The following RAPH1 variants were observed in gnomAD, a reference collection of about 807,000 sequenced individuals.
RAPH1 encodes ras-associated and pleckstrin homology domains-containing protein 1.
Under a neutral mutation model 88.1 loss-of-function variants are expected in RAPH1, and 18 were observed. That is an observed-to-expected ratio of 0.20 (90% CI 0.14 to 0.30). RAPH1 has a LOEUF of 0.30. Ranked by LOEUF, RAPH1 falls within the 10% of genes least tolerant of loss-of-function variation. The pLI is 1.00. For missense variants in RAPH1, 1,448 were observed against 1,543.2 expected (o/e 0.94, Z 1.03); for synonymous variants, 587 against 559.0 (o/e 1.05, Z -0.71).
chr2:203,458,650 AGTTTT>A (rs2098521798), intron 7 of RAPH1, among the ~76,000 whole-genome samples: 1 of 152,184 alleles, frequency 6.6e-6, no homozygotes, highest in African/African-American at 2.4e-5. Context: ...GGCATATTCA[AGTTTT>A]GTTTTTTAGA....
intron 7 of RAPH1, among the ~76,000 whole-genome samples, chr2:203,458,750 G>A (rs944155698): frequency 3.3e-5 from 5 of 151,266 alleles, no homozygotes; most frequent in African/African-American, 4.9e-5. Flanking sequence ...AGGGCTGACT[G>A]TACTTCTTTT....
chr2:203,527,692 C>T (rs560717939), intron 1 of RAPH1, among the ~76,000 whole-genome samples: 14 of 148,574 alleles, frequency 9.4e-5, no homozygotes, highest in East Asian at 2.0e-4. Context: ...CCCAGCTGCT[C>T]GGGAGACTGA....
intron 1 of RAPH1, among the ~76,000 whole-genome samples, chr2:203,518,152 A>G (rs1471546194): frequency 6.6e-6 from 1 of 152,198 alleles, no homozygotes; most frequent in Non-Finnish European, 1.5e-5. Flanking sequence ...AAGAGAACAC[A>G]AATTACCAAT....
In RAPH1 at chr2:203,439,674, T is replaced by C. The variant is rs1193064640; in HGVS notation, c.3516A>G (p.Thr1172=). ...QPGFLADLNR[T]LQRKSITRHG... ...GCCGAGTGATGGACTTTCGTTGCAGTGTCCTGTTGAGGTCAGCCAGGAATC... is the reference window on the plus strand; with the variant it reads ...GCCGAGTGATGGACTTTCGTTGCAGCGTCCTGTTGAGGTCAGCCAGGAATC... The change falls in exon 14 of 14, where the codon ACA becomes ACG. Residue 1172 remains threonine, a synonymous_variant. Transcript: ENST00000319170. 1 of 1,614,032 alleles carries C rather than the reference T, an allele frequency of 6.2e-7. No individual in the cohort carries two copies. Among genetic ancestry groups the C allele is most frequent in the South Asian group, 1.1e-5 (1 of 91,078 alleles).
intron 4 of RAPH1, among the ~76,000 whole-genome samples, chr2:203,478,978 C>T (rs1687600752): frequency 1.3e-5 from 2 of 152,130 alleles, no homozygotes; most frequent in African/African-American, 2.4e-5. Context: ...ATTACTACAT[C>T]AACAGGAGGC....
At chr2:203,453,568 A>G (rs2098516630) in intron 10 of RAPH1, among the ~76,000 whole-genome samples, 1 of 150,388 alleles carries the variant, frequency 6.6e-6, no homozygotes, top group African/African-American at 2.4e-5. Flanking sequence ...AAAAAAAAAA[A>G]AAAAAAAGGT....
chr2:203,481,956 C>CAAACCCAAAACAAAAACAGACCT (rs1316185121), intron 4 of RAPH1, among the ~76,000 whole-genome samples: 1 of 151,248 alleles, frequency 6.6e-6, no homozygotes, highest in Non-Finnish European at 1.5e-5. Flanking sequence ...CAGCCCTCCA[C>CAAACCCAAAACAAAAACAGACCT]AAACCCAAAA....
In RAPH1 at chr2:203,439,610, T is replaced by C. The variant is rs772182811; in HGVS notation, c.3580A>G (p.Thr1194Ala). The change falls in exon 14 of 14, where the codon ACA becomes GCA. Residue 1194 changes from threonine (T) to alanine (A), a missense_variant. Thr to Ala is a moderately conservative substitution (Grantham distance 58). Coordinates refer to ENST00000319170, the MANE Select transcript of RAPH1 (RefSeq NM_213589.3). ...LSSRMSRAEPTATMDDMALPP... is the reference protein window; with the variant it reads ...LSSRMSRAEPAATMDDMALPP... The stretch of plus-strand genomic sequence containing the variant: ...AATGCCATATCATCCATGGTGGCTG[T>C]TGGTTCTGCTCTGGACATGCGGGAG... 1.2e-6 allele frequency: 2 copies of C among 1,613,926 alleles called. No individual in the cohort carries two copies. Among genetic ancestry groups the C allele is most frequent in the South Asian group, 1.1e-5 (1 of 91,072 alleles).
chr2:203,485,301 C>A lies in RAPH1; in HGVS notation c.732+4283G>T, dbSNP rs549307623. Among the ~76,000 whole-genome samples, 5 of 151,622 alleles carry A rather than the reference C, an allele frequency of 3.3e-5. No individual in the cohort carries two copies. In the South Asian group the frequency reaches 1.0e-3, roughly 32 times the overall value. ...TGGCATGTGCTTGTAATCCCTGCTA[C>A]TCGGGAGGCTGAGGCATGAGAACCA... On this transcript the variant is annotated intron_variant, in intron 4 of 13. Coordinates refer to ENST00000319170, the MANE Select transcript of RAPH1 (RefSeq NM_213589.3).
At chr2:203,515,540 G>A (rs1414938158) in intron 1 of RAPH1, among the ~76,000 whole-genome samples, 1 of 152,158 alleles carries the variant, frequency 6.6e-6, no homozygotes, top group Non-Finnish European at 1.5e-5. Flanking sequence ...TCACTGTTTG[G>A]TATGCATTGC....
intron 2 of RAPH1, among the ~76,000 whole-genome samples, chr2:203,494,016 A>T (rs1276960111): frequency 6.6e-6 from 1 of 151,002 alleles, no homozygotes; most frequent in Non-Finnish European, 1.5e-5. Context: ...GAAAAAAAAA[A>T]ATCCCCCCAA....
At chr2:203,460,059 T>C (rs1298099656) in intron 6 of RAPH1, 31 bp from the exon 7 acceptor site, 1 of 1,577,728 alleles carries the variant, frequency 6.3e-7, no homozygotes, top group Non-Finnish European at 8.6e-7. Context: ...CGTATTTTGT[T>C]AGTATTCATT....
intron 1 of RAPH1, among the ~76,000 whole-genome samples, chr2:203,528,870 T>C (rs2106000961): frequency 6.6e-6 from 1 of 151,198 alleles, no homozygotes; most frequent in African/African-American, 2.4e-5. Context: ...ATAATTATCC[T>C]TTATAAAGTA....
intron 2 of RAPH1, among the ~76,000 whole-genome samples, chr2:203,493,968 T>G (rs1688387785): frequency 1.7e-5 from 1 of 58,970 alleles, no homozygotes; most frequent in Non-Finnish European, 2.9e-5. Context: ...TGAGACTCTA[T>G]CTCAAAAAAA....
At chr2:203,485,282 G>C (rs1687914984) in intron 4 of RAPH1, among the ~76,000 whole-genome samples, 1 of 152,046 alleles carries the variant, frequency 6.6e-6, no homozygotes, top group Admixed American at 6.5e-5. Context: ...GTGGTGGCAT[G>C]TGCTTGTAAT....
chr2:203,481,497 C>CTATTA (rs1447794407), intron 4 of RAPH1, among the ~76,000 whole-genome samples: 9 of 151,348 alleles, frequency 5.9e-5, no homozygotes, highest in Admixed American at 1.3e-4. Context: ...TATTATATAG[C>CTATTA]CGGTAAATCT....
chr2:203,447,517 A>G (rs890734460), intron 12 of RAPH1: 8 of 152,386 alleles, frequency 5.2e-5, no homozygotes, highest in African/African-American at 1.9e-4. Flanking sequence ...GATCTCATTC[A>G]TGAAACATTT....
At chr2:203,457,997 T>C (rs1466678792) in intron 7 of RAPH1, among the ~76,000 whole-genome samples, 3 of 152,224 alleles carry the variant, frequency 2.0e-5, no homozygotes, top group African/African-American at 7.2e-5. Context: ...GCAGAAAATT[T>C]ATGTTCTGGC....
rs1345396450 is a variant in RAPH1 at position 203,459,958 on chromosome 2, C to T, written c.1041G>A (p.Lys347=). The change falls in exon 7 of 14, where the codon AAG becomes AAA. Residue 347 remains lysine, a synonymous_variant. Coordinates refer to ENST00000319170, the MANE Select transcript of RAPH1 (RefSeq NM_213589.3). ...LLNWTRDSQN[K]LIFMERIEKY... ...TTTCTATACGCTCCATAAATATAAG[C>T]TTGTTTTGGCTATCTCTTGTCCAAT... The T allele has an allele frequency of 2.5e-6, 4 of 1,612,268 alleles. No individual in the cohort carries two copies. In the Admixed American group the frequency reaches 6.7e-5, roughly 27 times the overall value.
Sources: gnomAD v4.1 joint callset for allele counts (sites outside exome capture counted in the v4.1 genomes callset) on GRCh38, gnomAD v4.1.1 for gene constraint, MANE v1.5 for transcripts, NCBI Gene and HGNC (gene_info 2026-07-23, HGNC 2026-07-21) for gene names.